ARHGEF28: variants seen among roughly 807,000 people sequenced by gnomAD.
The protein encoded by ARHGEF28 is 190 kDa guanine nucleotide exchange factor.
A neutral mutation model predicts 206.6 loss-of-function variants in ARHGEF28; 152 were observed. The observed-to-expected ratio is 0.74, with a 90% CI of 0.64 to 0.84. The LOEUF (loss-of-function observed/expected upper bound fraction) is 0.84, where lower values mean the gene tolerates loss of function less well. Among genes scored for constraint, ARHGEF28 ranks in the 40% least tolerant of loss-of-function variants. The pLI, the probability that ARHGEF28 is intolerant of heterozygous loss-of-function variation, is 0.00. For synonymous variants in ARHGEF28, 763 were observed against 776.4 expected (o/e 0.98, Z 0.29); for missense variants, 2,028 against 2,073.2 (o/e 0.98, Z 0.42).
chr5:73,852,818 C>G (rs1310875393), intron 14 of ARHGEF28, 126 bp downstream of exon 14: 1 of 962,048 alleles, frequency 1.0e-6, no homozygotes, highest in Non-Finnish European at 1.6e-6. Flanking sequence ...CTGCCTAAGA[C>G]CCTTTGCTCC....
chr5:73,644,386 G>A (rs930676095), intron 1 of ARHGEF28, among the ~76,000 whole-genome samples: 6 of 152,218 alleles, frequency 3.9e-5, no homozygotes, highest in Admixed American at 2.6e-4. Context: ...GCTATAGTCT[G>A]TGTTTCCATG....
chr5:73,773,702 T>C (rs1753368921), intron 4 of ARHGEF28, among the ~76,000 whole-genome samples, 153 bp from the exon 5 acceptor site: 1 of 152,216 alleles, frequency 6.6e-6, no homozygotes, highest in African/African-American at 2.4e-5. Context: ...TCTCCAAATT[T>C]GTAAAATGAG....
intron 6 of ARHGEF28, among the ~76,000 whole-genome samples, chr5:73,779,087 A>T (rs1042323272): frequency 6.6e-6 from 1 of 152,232 alleles, no homozygotes; most frequent in Non-Finnish European, 1.5e-5. Context: ...AGAGCTCTCC[A>T]GGTGAACCCA....
chr5:73,665,766 C>T (rs940229718), intron 1 of ARHGEF28, among the ~76,000 whole-genome samples: 1 of 152,080 alleles, frequency 6.6e-6, no homozygotes, highest in African/African-American at 2.4e-5. Flanking sequence ...ACCTAATCAC[C>T]TCTTAAAGGC....
chr5:73,741,147 T>A (rs1561370585), intron 2 of ARHGEF28, among the ~76,000 whole-genome samples: 1 of 151,974 alleles, frequency 6.6e-6, no homozygotes, highest in East Asian at 1.9e-4. Context: ...AGTTAGGGAT[T>A]TGAAAAGGAA....
rs545512230 is a variant in ARHGEF28, at chr5:73,874,286, A to G, written c.2814+1040A>G. On this transcript the variant is annotated intron_variant, in intron 22 of 35. Transcript: ENST00000513042. ...TTCTAGACATTGGTTCTTGTCATAT[A>G]TGTGATTGACAAACTTTCTCTAAAT... 7.9e-5 allele frequency among the ~76,000 whole-genome samples: 12 copies of G among 152,240 alleles called. No individual in the cohort carries two copies. The East Asian group carries it at 2.1e-3, about 27-fold the overall frequency.
At chr5:73,744,137 A>G (rs1015274033) in intron 2 of ARHGEF28, among the ~76,000 whole-genome samples, 3 of 152,202 alleles carry the variant, frequency 2.0e-5, no homozygotes, top group Admixed American at 6.5e-5. Context: ...GATAATATGT[A>G]TAAGTAGTTA....
intron 1 of ARHGEF28, among the ~76,000 whole-genome samples, chr5:73,626,585 G>C (rs765242885): frequency 1.3e-5 from 2 of 152,136 alleles, no homozygotes; most frequent in African/African-American, 4.8e-5. Flanking sequence ...GGGGTCGCTC[G>C]GGCGCACTGA....
chr5:73,884,151 C>T lies in ARHGEF28; in HGVS notation c.3055+267C>T, dbSNP rs1443487037. On this transcript the variant is annotated intron_variant, in intron 24 of 35. Transcript: ENST00000513042. The stretch of plus-strand genomic sequence containing the variant: ...ACCTGCCTTTCTTCTCTTTATTTTC[C>T]CCACCACTGGGCTTTCTTAATACCT... Among the ~76,000 whole-genome samples, 3 of 152,224 alleles carry T rather than the reference C, an allele frequency of 2.0e-5. No individual in the cohort carries two copies. In the East Asian group the frequency reaches 5.8e-4, roughly 29 times the overall value.
At chr5:73,635,654 T>C (rs982548613) in intron 1 of ARHGEF28, among the ~76,000 whole-genome samples, 1 of 152,222 alleles carries the variant, frequency 6.6e-6, no homozygotes, top group African/African-American at 2.4e-5. Context: ...TCTCCTTTTT[T>C]ATTATCAGAA....
intron 20 of ARHGEF28, among the ~76,000 whole-genome samples, chr5:73,868,941 C>T (rs1759890233): frequency 6.6e-6 from 1 of 152,140 alleles, no homozygotes; most frequent in Non-Finnish European, 1.5e-5. Flanking sequence ...GCCACTGTGC[C>T]CAGCCATTAA....
chr5:73,913,159 CT>C (rs1320579995), intron 35 of ARHGEF28, among the ~76,000 whole-genome samples: 4 of 152,168 alleles, frequency 2.6e-5, no homozygotes, highest in Non-Finnish European at 5.9e-5. Context: ...GAGAAATGTA[CT>C]TACGCTTAAG....
intron 11 of ARHGEF28, among the ~76,000 whole-genome samples, chr5:73,845,011 ATTTTTTTTTTTT>A (rs70973277): frequency 3.7e-4 from 37 of 99,360 alleles, no homozygotes; most frequent in East Asian, 1.8e-3. Flanking sequence ...CAAAGGAATC[ATTTTTTTTTTTT>A]TTTTTTTTTT....
intron 1 of ARHGEF28, among the ~76,000 whole-genome samples, chr5:73,659,002 CACA>C (rs1745416330): frequency 6.7e-6 from 1 of 149,848 alleles, no homozygotes; most frequent in African/African-American, 2.5e-5. Flanking sequence ...CACACACACA[CACA>C]CCACACTCAC....
intron 33 of ARHGEF28, among the ~76,000 whole-genome samples, chr5:73,907,477 GCA>G (rs1289492726): frequency 6.6e-5 from 10 of 152,318 alleles, no homozygotes; most frequent in African/African-American, 2.4e-4. Flanking sequence ...TCTGTTCATG[GCA>G]CAGTCGTCTT....
At chr5:73,719,797 C>G (rs2112327192) in intron 2 of ARHGEF28, among the ~76,000 whole-genome samples, 1 of 152,356 alleles carries the variant, frequency 6.6e-6, no homozygotes. Flanking sequence ...GAATGCTTGC[C>G]ATTCCACAGC....
chr5:73,672,004 G>T (rs548023906), intron 1 of ARHGEF28, among the ~76,000 whole-genome samples: 1 of 151,566 alleles, frequency 6.6e-6, no homozygotes, highest in African/African-American at 2.4e-5. Context: ...TGATCCACCC[G>T]CCTTGGCCTC....
At chr5:73,759,995 G>T (rs6893199) in intron 4 of ARHGEF28, among the ~76,000 whole-genome samples, 52,816 of 152,098 alleles carry the variant, frequency 0.35, 10,367 homozygotes, top group African/African-American at 0.53. Flanking sequence ...GTGGCTTGTG[G>T]TTTTATCTTT....
At chr5:73,803,469 C>T (rs1339454044) in intron 9 of ARHGEF28, 1 of 154,476 alleles carries the variant, frequency 6.5e-6, no homozygotes, top group Non-Finnish European at 1.5e-5. Context: ...TAATGTTGTC[C>T]ACGAAGAGTT....
Sources: gnomAD v4.1 joint callset for allele counts (sites outside exome capture counted in the v4.1 genomes callset) on GRCh38, gnomAD v4.1.1 for gene constraint, MANE v1.5 for transcripts, NCBI Gene and HGNC (gene_info 2026-07-23, HGNC 2026-07-21) for gene names.